Variants in AOX1 observed in about 807,000 individuals in gnomAD.
The protein encoded by AOX1 is aldehyde oxidase 1.
Under a neutral mutation model 169.5 loss-of-function variants are expected in AOX1, and 153 were observed. That is an observed-to-expected ratio of 0.90 (90% CI 0.79 to 1.03). AOX1 has a LOEUF of 1.03. Ranked by LOEUF, AOX1 falls within the 50% of genes least tolerant of loss-of-function variation. The probability of loss-of-function intolerance (pLI) is 0.00; values close to 1 mark genes in which losing one functional copy is unlikely to be tolerated. For synonymous variants in AOX1, 562 were observed against 581.9 expected (o/e 0.97, Z 0.49); for missense variants, 1,656 against 1,663.9 (o/e 1.00, Z 0.08).
chr2:200,663,060 G>C (rs747810156), intron 31 of AOX1, 91 bp downstream of exon 31: 1 of 935,144 alleles, frequency 1.1e-6, no homozygotes, highest in Non-Finnish European at 1.7e-6. Context: ...TTAGTGAGTG[G>C]CAGCATCGTG....
intron 5 of AOX1, among the ~76,000 whole-genome samples, chr2:200,601,509 T>C (rs1270129221): frequency 1.3e-5 from 2 of 152,140 alleles, no homozygotes; most frequent in Non-Finnish European, 2.9e-5. Flanking sequence ...TTAGAGGTAA[T>C]AGATATGTTT....
intron 1 of AOX1, 61 bp downstream of exon 1, chr2:200,586,214 GC>G: frequency 6.8e-7 from 1 of 1,474,900 alleles, no homozygotes. Flanking sequence ...GCAGAGAGGA[GC>G]CCCTGCCGTT....
intron 34 of AOX1, 85 bp downstream of exon 34, chr2:200,669,827 C>A: frequency 7.0e-7 from 1 of 1,427,818 alleles, no homozygotes; most frequent in Non-Finnish European, 9.6e-7. Flanking sequence ...TTCGTGAACG[C>A]ACTGCTGTGG....
At chr2:200,653,775 A>G (rs377321095) in intron 26 of AOX1, among the ~76,000 whole-genome samples, 3 of 152,204 alleles carry the variant, frequency 2.0e-5, no homozygotes, top group East Asian at 1.9e-4. Context: ...AAGCAAGTCT[A>G]TTGGTGCCAT....
chr2:200,597,652 C>G, intron 4 of AOX1, 147 bp downstream of exon 4: 1 of 462,376 alleles, frequency 2.2e-6, no homozygotes, highest in Admixed American at 3.9e-5. Context: ...AAGAGTGAAG[C>G]CTGGCATATT....
downstream of AOX1, among the ~76,000 whole-genome samples, chr2:200,672,454 T>A (rs1357241008): frequency 1.3e-5 from 2 of 152,184 alleles, no homozygotes; most frequent in African/African-American, 4.8e-5. Flanking sequence ...AAACGCCATT[T>A]CCGTTAAGAG....
intron 19 of AOX1, among the ~76,000 whole-genome samples, chr2:200,624,278 C>T (rs35482626): frequency 0.068 from 10,319 of 152,226 alleles, 514 homozygotes; most frequent in Admixed American, 0.096. Flanking sequence ...CCCTATTGCC[C>T]CAGCATTCTA....
At chr2:200,627,127 C>T (rs2035021600) in intron 19 of AOX1, among the ~76,000 whole-genome samples, 1 of 152,126 alleles carries the variant, frequency 6.6e-6, no homozygotes, top group Non-Finnish European at 1.5e-5. Flanking sequence ...TTTTTCTGTG[C>T]ATATTATTTC....
chr2:200,666,898 A>C, intron 32 of AOX1, 146 bp downstream of exon 32: 1 of 502,974 alleles, frequency 2.0e-6, no homozygotes, highest in Non-Finnish European at 3.6e-6. Flanking sequence ...GCAGAGCTCA[A>C]ATGTTTTACT....
At chr2:200,652,261 T>A (rs1240540793) in intron 26 of AOX1, among the ~76,000 whole-genome samples, 1 of 152,146 alleles carries the variant, frequency 6.6e-6, no homozygotes, top group Non-Finnish European at 1.5e-5. Context: ...CAGCTTTGAT[T>A]GTAGGCAGGT....
intron 31 of AOX1, among the ~76,000 whole-genome samples, chr2:200,666,093 T>C (rs1335710401): frequency 6.6e-6 from 1 of 152,216 alleles, no homozygotes; most frequent in African/African-American, 2.4e-5. Context: ...AGCAAAGGTG[T>C]TACTAACACT....
intron 10 of AOX1, among the ~76,000 whole-genome samples, chr2:200,606,767 G>A (rs2034525345): frequency 6.6e-6 from 1 of 152,130 alleles, no homozygotes; most frequent in Non-Finnish European, 1.5e-5. Context: ...GTTCATTCAT[G>A]ATTTGGCTCT....
chr2:200,647,623 T>C (rs1479650415), intron 25 of AOX1, among the ~76,000 whole-genome samples: 1 of 152,252 alleles, frequency 6.6e-6, no homozygotes, highest in Non-Finnish European at 1.5e-5. Flanking sequence ...TTGTATTTGA[T>C]GTCTAGGTCT....
chr2:200,624,078 A>G (rs1245014574), intron 19 of AOX1, 95 bp downstream of exon 19: 2 of 1,517,172 alleles, frequency 1.3e-6, no homozygotes, highest in Non-Finnish European at 1.8e-6. Flanking sequence ...ATGTGGCTCA[A>G]AGTGGCCTCC....
chr2:200,586,198 G>A, intron 1 of AOX1, 45 bp downstream of exon 1: 2 of 1,525,506 alleles, frequency 1.3e-6, no homozygotes, highest in Non-Finnish European at 1.8e-6. Context: ...TGCGGCCAGG[G>A]CCGGGGCAGA....
chr2:200,598,602 G>T (rs2034338471), intron 4 of AOX1, among the ~76,000 whole-genome samples: 1 of 152,074 alleles, frequency 6.6e-6, no homozygotes, highest in African/African-American at 2.4e-5. Context: ...AATTAGCTGG[G>T]CATGGTGGTG....
At chr2:200,676,941 A>G in exon 5 of AOX1, 1 of 470,766 alleles carries the variant, frequency 2.1e-6, no homozygotes, top group South Asian at 1.5e-5. Flanking sequence ...ACTTCACAAG[A>G]TTCAGCCAAT....
chr2:200,643,111 C>A lies in AOX1; in HGVS notation c.2847+310C>A, dbSNP rs372107864. ...CCACAATTCCATCAAGGCCCTCATTCCCCGCTTCCTGAACATCTCAGCCAG... is the reference window on the plus strand; with the variant it reads ...CCACAATTCCATCAAGGCCCTCATTACCCGCTTCCTGAACATCTCAGCCAG... On this transcript the variant is annotated intron_variant, in intron 25 of 34. Coordinates refer to ENST00000374700, the MANE Select transcript of AOX1 (RefSeq NM_001159.4). 5.3e-5 allele frequency among the ~76,000 whole-genome samples: 8 copies of A among 152,138 alleles called. No individual in the cohort carries two copies. The East Asian group carries it at 7.7e-4, about 15-fold the overall frequency.
chr2:200,672,119 T>C (rs1460615832), downstream of AOX1, among the ~76,000 whole-genome samples: 1 of 152,166 alleles, frequency 6.6e-6, no homozygotes, highest in Admixed American at 6.5e-5. Flanking sequence ...ACAAAGTAGA[T>C]TAATGGCTAC....
Sources: gnomAD v4.1 joint callset for allele counts (sites outside exome capture counted in the v4.1 genomes callset) on GRCh38, gnomAD v4.1.1 for gene constraint, MANE v1.5 for transcripts, NCBI Gene and HGNC (gene_info 2026-07-23, HGNC 2026-07-21) for gene names.